Variants in PTPRD observed in about 807,000 individuals in gnomAD.
The protein encoded by PTPRD is protein tyrosine phosphatase receptor type D.
Under a neutral mutation model 214.5 loss-of-function variants are expected in PTPRD, and 34 were observed. The ratio of observed to expected loss-of-function variants is 0.16; its 90% CI spans 0.12 to 0.21. The LOEUF (loss-of-function observed/expected upper bound fraction) is 0.21, where lower values mean the gene tolerates loss of function less well. Among genes scored for constraint, PTPRD ranks in the 10% least tolerant of loss-of-function variants. The pLI is 1.00. For synonymous variants in PTPRD, 1,128 were observed against 845.7 expected, an observed-to-expected ratio of 1.33 and a Z score of -5.79; for missense variants, 2,545 against 2,398.7, an observed-to-expected ratio of 1.06 and a Z score of -1.27.
At chr9:9,959,368 C>T (rs1183716483) in intron 4 of PTPRD, among the ~76,000 whole-genome samples, 1 of 152,072 alleles carries the variant, frequency 6.6e-6, no homozygotes, top group Non-Finnish European at 1.5e-5. Flanking sequence ...AGGTAAAGCA[C>T]AGAGGACTTT....
chr9:8,670,221 G>C (rs1442902572), intron 12 of PTPRD, among the ~76,000 whole-genome samples: 5 of 151,992 alleles, frequency 3.3e-5, no homozygotes, highest in Non-Finnish European at 5.9e-5. Context: ...ATTAACTTTA[G>C]GCATTATGTG....
intron 3 of PTPRD, among the ~76,000 whole-genome samples, chr9:10,197,900 T>A (rs988154277): frequency 6.6e-6 from 1 of 152,116 alleles, no homozygotes; most frequent in Admixed American, 6.6e-5. Flanking sequence ...TCAGATAAGG[T>A]TGATGGCATC....
At chr9:9,612,435 T>C (rs1035505754) in intron 7 of PTPRD, among the ~76,000 whole-genome samples, 2 of 152,320 alleles carry the variant, frequency 1.3e-5, no homozygotes, top group South Asian at 4.1e-4. Context: ...TGTGATAGGC[T>C]CCATCTGCAG....
intron 5 of PTPRD, among the ~76,000 whole-genome samples, chr9:9,808,368 C>CT (rs776959572): frequency 2.6e-5 from 4 of 152,166 alleles, no homozygotes; most frequent in Non-Finnish European, 5.9e-5. Flanking sequence ...ATTTCCTTAT[C>CT]TGACCAGGAA....
intron 4 of PTPRD, among the ~76,000 whole-genome samples, chr9:10,026,762 G>T (rs913016707): frequency 1.3e-5 from 2 of 151,786 alleles, no homozygotes; most frequent in African/African-American, 4.8e-5. Context: ...ATCACGGTGG[G>T]GACTGGATTC....
chr9:10,169,009 A>T (rs1320393391), intron 3 of PTPRD, among the ~76,000 whole-genome samples: 2 of 152,114 alleles, frequency 1.3e-5, no homozygotes, highest in African/African-American at 4.8e-5. Context: ...AACTTCTGGG[A>T]AATAATTCAT....
chr9:9,901,609 G>T (rs186590196), intron 5 of PTPRD, among the ~76,000 whole-genome samples: 1 of 151,892 alleles, frequency 6.6e-6, no homozygotes, highest in East Asian at 1.9e-4. Context: ...TAATAAAAAA[G>T]ACCAGAGAAA....
At chr9:8,428,655 G>T (rs553455907) in intron 35 of PTPRD, among the ~76,000 whole-genome samples, 1 of 151,966 alleles carries the variant, frequency 6.6e-6, no homozygotes, top group Non-Finnish European at 1.5e-5. Flanking sequence ...CAGTGCATTC[G>T]AAGTTGGCCA....
chr9:8,734,174 G>A (rs749983791), intron 11 of PTPRD, among the ~76,000 whole-genome samples: 9 of 152,288 alleles, frequency 5.9e-5, no homozygotes, highest in South Asian at 2.1e-4. Flanking sequence ...GGGAGCTCTC[G>A]CATTCCCAAT....
At chr9:8,940,271 C>CCTTTTTTT (rs2099023301) in intron 11 of PTPRD, among the ~76,000 whole-genome samples, 1 of 74,878 alleles carries the variant, frequency 1.3e-5, no homozygotes, top group Non-Finnish European at 2.7e-5. Context: ...ATCTCTCTCT[C>CCTTTTTTT]TCTCTCTCCT....
At chr9:9,531,295 C>G (rs2075401409) in intron 8 of PTPRD, among the ~76,000 whole-genome samples, 1 of 152,126 alleles carries the variant, frequency 6.6e-6, no homozygotes, top group African/African-American at 2.4e-5. Context: ...AAGATAGTGT[C>G]ATTTCAGCTC....
At position 10,313,132 on chromosome 9, in the gene PTPRD, C is replaced by G. The variant is rs138326197; in HGVS notation, c.-545+27831G>C. On this transcript the variant is annotated intron_variant, in intron 3 of 45. Coordinates refer to ENST00000381196, the MANE Select transcript of PTPRD (RefSeq NM_002839.4). ...AACCTTTCTGAAGACCAGATTGGAA[C>G]AGAAATTTGAAAAGAAATGCTGAAA... Among the ~76,000 whole-genome samples the G allele has an allele frequency of 1.4e-3, 206 of 151,892 alleles. 3 individuals are homozygous for G. The highest frequency in any genetic ancestry group is 4.6e-3 in the African/African-American group (190 of 41,484).
chr9:8,318,338 T>C (rs1823575168), intron 45 of PTPRD, among the ~76,000 whole-genome samples: 1 of 152,058 alleles, frequency 6.6e-6, no homozygotes, highest in Non-Finnish European at 1.5e-5. Context: ...GATAACTAAT[T>C]CTCAGTTTAA....
intron 11 of PTPRD, among the ~76,000 whole-genome samples, chr9:8,839,933 C>A (rs922951404): frequency 2.0e-5 from 3 of 152,068 alleles, no homozygotes; most frequent in Non-Finnish European, 4.4e-5. Context: ...AGCAAATTCA[C>A]CATACAGTAC....
chr9:9,213,557 T>C (rs2099950201), intron 9 of PTPRD, among the ~76,000 whole-genome samples: 1 of 152,142 alleles, frequency 6.6e-6, no homozygotes, highest in African/African-American at 2.4e-5. Context: ...AGGCAACCAT[T>C]GGTTAGGTCT....
chr9:9,917,355 AT>A (rs2081205653), intron 5 of PTPRD, among the ~76,000 whole-genome samples: 1 of 149,842 alleles, frequency 6.7e-6, no homozygotes. Context: ...CAGAAATAAA[AT>A]CAAAGTCACA....
At chr9:10,089,285 T>C (rs1048018612) in intron 3 of PTPRD, among the ~76,000 whole-genome samples, 1 of 151,442 alleles carries the variant, frequency 6.6e-6, no homozygotes, top group Non-Finnish European at 1.5e-5. Flanking sequence ...TTGTTTATTA[T>C]ATCCCAAGTA....
At chr9:9,373,934 A>G (rs1292903365) in intron 9 of PTPRD, among the ~76,000 whole-genome samples, 1 of 152,082 alleles carries the variant, frequency 6.6e-6, no homozygotes, top group Non-Finnish European at 1.5e-5. Flanking sequence ...TCAATTATAT[A>G]TAATGCAAAT....
At chr9:8,365,170 G>A (rs1221252414) in intron 39 of PTPRD, among the ~76,000 whole-genome samples, 2 of 152,080 alleles carry the variant, frequency 1.3e-5, no homozygotes, top group Non-Finnish European at 2.9e-5. Context: ...GAAGGCTGCA[G>A]GAGGGGAAGT....
Sources: gnomAD v4.1 joint callset for allele counts (sites outside exome capture counted in the v4.1 genomes callset) on GRCh38, gnomAD v4.1.1 for gene constraint, MANE v1.5 for transcripts, NCBI Gene and HGNC (gene_info 2026-07-23, HGNC 2026-07-21) for gene names.